Variants in SGCD observed in about 807,000 individuals in gnomAD.
SGCD encodes the protein sarcoglycan delta, also known as delta-sarcoglycan.
SGCD carries 18 observed loss-of-function variants against 36.6 expected under a neutral mutation model. The ratio of observed to expected loss-of-function variants is 0.49; its 90% CI spans 0.34 to 0.73. The LOEUF is 0.73. Among genes scored for constraint, SGCD ranks in the 30% least tolerant of loss-of-function variants. The probability of loss-of-function intolerance (pLI) is 0.01; values close to 1 mark genes in which losing one functional copy is unlikely to be tolerated. For missense variants in SGCD, 387 were observed against 346.7 expected (o/e 1.12, Z -0.92); for synonymous variants, 133 against 130.6 (o/e 1.02, Z -0.12).
At chr5:155,951,428 TAGA>T (rs1182877935) in intron 1 of SGCD, among the ~76,000 whole-genome samples, 1 of 152,092 alleles carries the variant, frequency 6.6e-6, no homozygotes, top group Non-Finnish European at 1.5e-5. Flanking sequence ...ATTCAGACAG[TAGA>T]ATGTATTATG....
chr5:155,914,001 C>T (rs953029371), intron 1 of SGCD, among the ~76,000 whole-genome samples: 1 of 152,146 alleles, frequency 6.6e-6, no homozygotes, highest in Non-Finnish European at 1.5e-5. Flanking sequence ...TAAAATGTTA[C>T]AGTTAGAATG....
At chr5:156,597,893 C>T (rs1760996598) in intron 6 of SGCD, among the ~76,000 whole-genome samples, 1 of 152,124 alleles carries the variant, frequency 6.6e-6, no homozygotes, top group African/African-American at 2.4e-5. Flanking sequence ...CACAATTGAG[C>T]TGAGCCATAG....
upstream of SGCD, among the ~76,000 whole-genome samples, chr5:155,867,493 G>T (rs1015270880): frequency 2.6e-5 from 4 of 152,182 alleles, no homozygotes; most frequent in Admixed American, 2.0e-4. Flanking sequence ...TGAAATGGAG[G>T]TGTTCTAAAA....
chr5:155,964,743 G>A (rs1192636002), intron 1 of SGCD, among the ~76,000 whole-genome samples: 1 of 152,096 alleles, frequency 6.6e-6, no homozygotes, highest in East Asian at 1.9e-4. Context: ...GCTAAGATTG[G>A]CTACCAGGGC....
At chr5:156,548,862 A>G (rs1758682520) in intron 4 of SGCD, among the ~76,000 whole-genome samples, 1 of 152,300 alleles carries the variant, frequency 6.6e-6, no homozygotes, top group African/African-American at 2.4e-5. Context: ...TCCTGCGGGA[A>G]GAGATGACTG....
intron 3 of SGCD, among the ~76,000 whole-genome samples, chr5:156,140,757 G>C (rs1289235837): frequency 3.3e-5 from 5 of 152,098 alleles, no homozygotes. Context: ...GAATAAAAAA[G>C]CATGTTTAGG....
chr5:156,624,886 C>A (rs6860519), intron 6 of SGCD, among the ~76,000 whole-genome samples: 44,874 of 152,080 alleles, frequency 0.3, 7,691 homozygotes, highest in African/African-American at 0.48. Context: ...AGAGCTGACA[C>A]ATCCTAGAGA....
At chr5:155,811,998 G>A in the SGCD span, among the ~76,000 whole-genome samples, 2 of 152,112 alleles carry the variant, frequency 1.3e-5, no homozygotes, top group Non-Finnish European at 2.9e-5. Context: ...GCCTTAAAAC[G>A]GAAACACAGT....
intron 3 of SGCD, among the ~76,000 whole-genome samples, chr5:156,404,171 G>C (rs922060213): frequency 3.9e-5 from 6 of 152,058 alleles, no homozygotes; most frequent in Non-Finnish European, 7.4e-5. Flanking sequence ...ACTCAGAATT[G>C]AGCACGAATA....
At chr5:156,436,211 C>T (rs559109202) in intron 3 of SGCD, among the ~76,000 whole-genome samples, 2 of 152,214 alleles carry the variant, frequency 1.3e-5, no homozygotes, top group South Asian at 4.1e-4. Context: ...CACATTTAAT[C>T]GGAGGGGAAG....
chr5:155,803,738 A>G, the SGCD span, among the ~76,000 whole-genome samples: 4 of 152,210 alleles, frequency 2.6e-5, no homozygotes, highest in Non-Finnish European at 5.9e-5. Flanking sequence ...AGATTTTAGC[A>G]GGTGGTGATA....
chr5:156,072,317 G>A (rs1307831784), intron 1 of SGCD, among the ~76,000 whole-genome samples: 2 of 151,884 alleles, frequency 1.3e-5, no homozygotes, highest in Non-Finnish European at 2.9e-5. Flanking sequence ...CTCTTTTAGG[G>A]CAGGTCTGGT....
At chr5:156,221,911 G>C (rs1024046377) in intron 3 of SGCD, among the ~76,000 whole-genome samples, 1 of 151,934 alleles carries the variant, frequency 6.6e-6, no homozygotes, top group Non-Finnish European at 1.5e-5. Flanking sequence ...AGTACTCCAG[G>C]GGTAGGTAAA....
At chr5:156,601,622 T>C (rs1761194675) in intron 6 of SGCD, among the ~76,000 whole-genome samples, 1 of 152,196 alleles carries the variant, frequency 6.6e-6, no homozygotes, top group South Asian at 2.1e-4. Flanking sequence ...TCTTCTGTGG[T>C]TCGAGATGAA....
chr5:156,229,516 G>A (rs1764958009), intron 3 of SGCD, among the ~76,000 whole-genome samples: 1 of 151,480 alleles, frequency 6.6e-6, no homozygotes. Flanking sequence ...ATCTTGTAGG[G>A]TTTCTGCTGA....
Position 155,923,050 on chromosome 5 carries a change from A to G in SGCD, c.-282+52626A>G, listed in dbSNP as rs369927308. On this transcript the variant is annotated intron_variant, in intron 1 of 9. Coordinates refer to the SGCD transcript ENST00000517913. ...ACAGTACGAGCAGATGATTCTTACC[A>G]CTGTTAACAGCATATATCCTTGATA... 1.2e-3 allele frequency among the ~76,000 whole-genome samples: 177 copies of G among 152,292 alleles called. 3 individuals are homozygous for G. The South Asian group carries it at 0.033, about 29-fold the overall frequency.
chr5:156,367,845 C>G (rs1428865004), intron 3 of SGCD, among the ~76,000 whole-genome samples: 1 of 152,200 alleles, frequency 6.6e-6, no homozygotes, highest in East Asian at 1.9e-4. Flanking sequence ...CTTGGTGACA[C>G]AGCATGAACA....
intron 6 of SGCD, among the ~76,000 whole-genome samples, chr5:156,604,588 G>A (rs993755227): frequency 1.3e-5 from 2 of 151,466 alleles, no homozygotes; most frequent in Non-Finnish European, 2.9e-5. Flanking sequence ...TTTAATTCCA[G>A]TCACATGAGA....
At chr5:156,235,782 T>C (rs192096521) in intron 3 of SGCD, among the ~76,000 whole-genome samples, 1 of 152,356 alleles carries the variant, frequency 6.6e-6, no homozygotes, top group East Asian at 1.9e-4. Context: ...TAGATACCAT[T>C]TTATTTTGTG....
Sources: gnomAD v4.1 joint callset for allele counts (sites outside exome capture counted in the v4.1 genomes callset) on GRCh38, gnomAD v4.1.1 for gene constraint, MANE v1.5 for transcripts, NCBI Gene and HGNC (gene_info 2026-07-23, HGNC 2026-07-21) for gene names.